Variants in FARS2 observed in about 807,000 individuals in gnomAD.
FARS2 encodes the protein phenylalanine--tRNA ligase, mitochondrial.
A neutral mutation model predicts 46.4 loss-of-function variants in FARS2; 40 were observed. That is an observed-to-expected ratio of 0.86 (90% CI 0.67 to 1.12). FARS2 has a LOEUF of 1.12. Among genes scored for constraint, FARS2 ranks in the 50% most tolerant of loss-of-function variants. The probability of loss-of-function intolerance (pLI) is 0.00; values close to 1 mark genes in which losing one functional copy is unlikely to be tolerated. For synonymous variants in FARS2, 234 were observed against 214.9 expected (o/e 1.09, Z -0.78); for missense variants, 513 against 567.9 (o/e 0.90, Z 0.98).
chr6:5,556,543 C>A (rs1023405596), intron 5 of FARS2, among the ~76,000 whole-genome samples: 1 of 151,650 alleles, frequency 6.6e-6, no homozygotes, highest in African/African-American at 2.4e-5. Flanking sequence ...GGATTGTGGC[C>A]CTCTGCTTGT....
rs1003438423 is a variant in FARS2 at position 5,764,338 on chromosome 6, A to G, written c.1218-6953A>G. ...CACTTCTATATTTTCAGGAGAGGCC[A>G]TGGAACCTGTCCTCACTTCCTCCTC... On this transcript the variant is annotated intron_variant, in intron 6 of 6. Coordinates refer to ENST00000274680, the MANE Select transcript of FARS2 (RefSeq NM_006567.5). The surrounding 1 kb of genome is among the most constrained non-coding windows in gnomAD (Gnocchi z 4.1). Among the ~76,000 whole-genome samples, 2 of 152,162 alleles carry G rather than the reference A, an allele frequency of 1.3e-5. No homozygotes were observed. Among genetic ancestry groups the G allele is most frequent in the Non-Finnish European group, 2.9e-5 (2 of 68,022 alleles).
rs562170053 is a variant in FARS2 at position 5,729,268 on chromosome 6, C to T, written c.1218-42023C>T. On this transcript the variant is annotated intron_variant, in intron 6 of 6. Coordinates refer to ENST00000274680, the MANE Select transcript of FARS2 (RefSeq NM_006567.5). ...CTCGAGGTAAAGGAAATGAATAGCTCGTGCTAATGAATGAGGTGTCCCCAG... is the reference window on the plus strand; with the variant it reads ...CTCGAGGTAAAGGAAATGAATAGCTTGTGCTAATGAATGAGGTGTCCCCAG... Among the ~76,000 whole-genome samples the T allele has an allele frequency of 7.2e-5, 11 of 152,244 alleles. 1 individual carries two copies. The East Asian group carries it at 2.1e-3, about 30-fold the overall frequency.
chr6:5,551,420 A>G (rs768231876), intron 5 of FARS2, among the ~76,000 whole-genome samples: 6 of 152,200 alleles, frequency 3.9e-5, no homozygotes, highest in Admixed American at 6.5e-5. Context: ...ACAGTCTATA[A>G]CATCCATATT....
intron 6 of FARS2, among the ~76,000 whole-genome samples, chr6:5,746,289 G>C (rs987692396): frequency 6.6e-6 from 1 of 152,144 alleles, no homozygotes; most frequent in Non-Finnish European, 1.5e-5. Flanking sequence ...TAGATGGTGC[G>C]TGGAAGAGGG....
At chr6:5,696,930 G>C (rs1170487886) in intron 6 of FARS2, among the ~76,000 whole-genome samples, 1 of 152,212 alleles carries the variant, frequency 6.6e-6, no homozygotes, top group East Asian at 1.9e-4. Flanking sequence ...TTAATAAGCA[G>C]TAAAGATAAT....
chr6:5,402,393 G>T, intron 2 of FARS2, among the ~76,000 whole-genome samples: 1 of 151,344 alleles, frequency 6.6e-6, no homozygotes, highest in East Asian at 1.9e-4. Flanking sequence ...CTTAGTTTTG[G>T]GGGGTGGGTG....
chr6:5,468,076 T>C (rs934072250), intron 4 of FARS2, among the ~76,000 whole-genome samples: 8 of 152,238 alleles, frequency 5.3e-5, no homozygotes, highest in Non-Finnish European at 1.0e-4. Context: ...GCATCTTGTC[T>C]GTCCCTGCTT....
chr6:5,341,236 T>TGTA (rs1455603737), intron 1 of FARS2, among the ~76,000 whole-genome samples: 1 of 5,148 alleles, frequency 1.9e-4, no homozygotes, highest in Non-Finnish European at 3.5e-4. Context: ...TATATATATA[T>TGTA]TTTTTTTTTT....
intron 4 of FARS2, among the ~76,000 whole-genome samples, chr6:5,486,139 T>A (rs1582242640): frequency 1.3e-5 from 2 of 152,214 alleles, no homozygotes; most frequent in Non-Finnish European, 2.9e-5. Flanking sequence ...CACAGGGCCA[T>A]TCACACTCAG....
chr6:5,295,991 T>C (rs1439049610), intron 1 of FARS2, among the ~76,000 whole-genome samples: 1 of 152,154 alleles, frequency 6.6e-6, no homozygotes, highest in Non-Finnish European at 1.5e-5. Flanking sequence ...GCTTACTGTG[T>C]GCCAGGCGCA....
chr6:5,259,074 A>G (rs546159728), upstream of FARS2, among the ~76,000 whole-genome samples: 222 of 142,072 alleles, frequency 1.6e-3, no homozygotes, highest in Non-Finnish European at 2.5e-3. Context: ...AGAGATTGAG[A>G]GACTTGTCCA....
At chr6:5,386,604 C>T (rs1023915888) in intron 2 of FARS2, among the ~76,000 whole-genome samples, 1 of 151,846 alleles carries the variant, frequency 6.6e-6, no homozygotes, top group Non-Finnish European at 1.5e-5. Context: ...CAGGGATGAT[C>T]GATAAGAAAG....
rs530361515 is a variant in FARS2 at position 5,635,419 on chromosome 6, G to GA, written c.1217+22100dup. Among the ~76,000 whole-genome samples the GA allele has an allele frequency of 4.1e-4, 62 of 150,980 alleles. 1 individual carries two copies. The South Asian group carries it at 0.013, about 31-fold the overall frequency. ...GTCTAATTGTTTTTGATAGAAAAAA[G>GA]AGGAAAAAATAATAAAGCAGGTTGA... On this transcript the variant is annotated intron_variant, in intron 6 of 6. Coordinates refer to ENST00000274680, the MANE Select transcript of FARS2 (RefSeq NM_006567.5).
At chr6:5,566,120 A>G (rs1047991085) in intron 5 of FARS2, among the ~76,000 whole-genome samples, 1 of 152,156 alleles carries the variant, frequency 6.6e-6, no homozygotes, top group Non-Finnish European at 1.5e-5. Flanking sequence ...TCTGGATGCT[A>G]TGGGAGAAGA....
Position 5,500,735 on chromosome 6 carries a change from A to G in FARS2, c.905-44445A>G, listed in dbSNP as rs75842740. ...GTAGCACCAATTTTTGCTACCTTAC[A>G]TTTTTTTTTTTTAAAGGAGAGGATG... is the stretch of plus-strand genomic sequence containing the variant. On this transcript the variant is annotated intron_variant, in intron 4 of 6. Coordinates refer to ENST00000274680, the MANE Select transcript of FARS2 (RefSeq NM_006567.5). 3.4e-5 allele frequency among the ~76,000 whole-genome samples: 5 copies of G among 147,062 alleles called. 1 individual carries two copies. The highest frequency in any genetic ancestry group is 2.7e-4 in the Admixed American group (4 of 14,724).
chr6:5,290,431 A>G (rs1767424262), intron 1 of FARS2, among the ~76,000 whole-genome samples: 1 of 152,236 alleles, frequency 6.6e-6, no homozygotes, highest in South Asian at 2.1e-4. Flanking sequence ...CAATTTGGGT[A>G]TCTGTTTTAA....
At chr6:5,722,230 GA>G (rs950770287) in intron 6 of FARS2, among the ~76,000 whole-genome samples, 7 of 152,116 alleles carry the variant, frequency 4.6e-5, no homozygotes, top group Admixed American at 1.3e-4. Flanking sequence ...GCAATACAGC[GA>G]AAAGGGCAAA....
intron 4 of FARS2, among the ~76,000 whole-genome samples, chr6:5,475,934 CAG>C (rs1766099274): frequency 6.6e-6 from 1 of 152,176 alleles, no homozygotes. Context: ...TTCTGTAACT[CAG>C]GGAAGGTGTG....
chr6:5,752,768 G>C (rs927894085), intron 6 of FARS2, among the ~76,000 whole-genome samples: 20 of 152,284 alleles, frequency 1.3e-4, no homozygotes, highest in Middle Eastern at 3.4e-3. Flanking sequence ...AGGAGCTGGG[G>C]CCCAGGGATG....
Sources: gnomAD v4.1 joint callset for allele counts (sites outside exome capture counted in the v4.1 genomes callset) on GRCh38, gnomAD v4.1.1 for gene constraint, Gnocchi (gnomAD v3.1) non-coding constraint, MANE v1.5 for transcripts, NCBI Gene and HGNC (gene_info 2026-07-23, HGNC 2026-07-21) for gene names.